The following PALLD variants were observed in gnomAD, a reference collection of about 807,000 sequenced individuals.
The protein encoded by PALLD is palladin.
In PALLD, 61 loss-of-function variants were observed where a neutral mutation model predicts 123.5. That is an observed-to-expected ratio of 0.49 (90% CI 0.40 to 0.61). The LOEUF is 0.61. PALLD is among the 20% of genes least tolerant of loss of function. The pLI is 0.00. For synonymous variants in PALLD, 465 were observed against 496.4 expected, an observed-to-expected ratio of 0.94 and a Z score of 0.84; for missense variants, 1,273 against 1,377.0, an observed-to-expected ratio of 0.92 and a Z score of 1.20.
At chr4:168,544,302 A>C (rs995367722) in intron 2 of PALLD, among the ~76,000 whole-genome samples, 3 of 152,272 alleles carry the variant, frequency 2.0e-5, no homozygotes, top group Non-Finnish European at 4.4e-5. Context: ...AAATATTTTC[A>C]GTACCTATTA....
At chr4:168,908,664 T>A (rs1758308629) in intron 15 of PALLD, among the ~76,000 whole-genome samples, 1 of 151,970 alleles carries the variant, frequency 6.6e-6, no homozygotes, top group Non-Finnish European at 1.5e-5. Flanking sequence ...AGTATTTGGG[T>A]TTGAAAGGGA....
At chr4:168,544,173 C>A (rs1484863563) in intron 2 of PALLD, among the ~76,000 whole-genome samples, 1 of 152,214 alleles carries the variant, frequency 6.6e-6, no homozygotes, top group Non-Finnish European at 1.5e-5. Context: ...TCTGTTTATA[C>A]TTTCTCTCAC....
chr4:168,771,852 A>G (rs542551099), intron 10 of PALLD, among the ~76,000 whole-genome samples: 4 of 152,208 alleles, frequency 2.6e-5, no homozygotes, highest in African/African-American at 9.6e-5. Flanking sequence ...GATTCTAGGG[A>G]GGGCAGCAGC....
At chr4:168,609,188 T>G (rs4389538) in intron 2 of PALLD, among the ~76,000 whole-genome samples, 62,569 of 151,530 alleles carry the variant, frequency 0.41, 14,141 homozygotes, top group East Asian at 0.8. Flanking sequence ...CAATTTGCAG[T>G]GGCTTACATT....
chr4:168,727,950 A>G (rs1786762363), intron 10 of PALLD, among the ~76,000 whole-genome samples: 1 of 152,184 alleles, frequency 6.6e-6, no homozygotes, highest in Non-Finnish European at 1.5e-5. Context: ...TCCCAGCACC[A>G]TTTATTGAAT....
At chr4:168,821,491 G>C (rs753835240) in intron 10 of PALLD, among the ~76,000 whole-genome samples, 1 of 151,708 alleles carries the variant, frequency 6.6e-6, no homozygotes, top group Non-Finnish European at 1.5e-5. Flanking sequence ...ATATATGTAT[G>C]TACAAATATA....
At chr4:168,787,550 C>T (rs1736921162) in intron 10 of PALLD, among the ~76,000 whole-genome samples, 1 of 152,170 alleles carries the variant, frequency 6.6e-6, no homozygotes, top group African/African-American at 2.4e-5. Flanking sequence ...TAACTGTAGC[C>T]ACACTTCAAT....
chr4:168,639,607 G>T (rs1235553864), intron 2 of PALLD, among the ~76,000 whole-genome samples: 2 of 149,444 alleles, frequency 1.3e-5, no homozygotes, highest in African/African-American at 5.0e-5. Context: ...GCAGTGGTGT[G>T]ATCTTGGCTC....
chr4:168,644,519 C>G (rs1008177130), intron 2 of PALLD, among the ~76,000 whole-genome samples: 6 of 152,176 alleles, frequency 3.9e-5, no homozygotes, highest in Non-Finnish European at 8.8e-5. Context: ...TGTCAAGTAA[C>G]CACCTGTTCC....
At chr4:168,638,992 C>T (rs935190400) in intron 2 of PALLD, among the ~76,000 whole-genome samples, 5 of 152,168 alleles carry the variant, frequency 3.3e-5, no homozygotes, top group African/African-American at 1.2e-4. Flanking sequence ...CATTCTCTTC[C>T]CCACCTTTCT....
At position 168,689,605 on chromosome 4, in the gene PALLD, G is replaced by A. The variant is rs182994599; in HGVS notation, c.1336-998G>A. On this transcript the variant is annotated intron_variant, in intron 6 of 21. Coordinates refer to ENST00000505667, the MANE Select transcript of PALLD (RefSeq NM_001166108.2). The stretch of plus-strand genomic sequence containing the variant: ...TGGGATTACAGGTGTCTGCCACCAC[G>A]ACCGGCTAATTTTTGTATTTTTAGT... Among the ~76,000 whole-genome samples the A allele has an allele frequency of 1.3e-3, 193 of 151,358 alleles. 1 individual carries two copies. In the East Asian group the frequency reaches 0.02, roughly 16 times the overall value.
intron 13 of PALLD, 21 bp from the exon 14 acceptor site, chr4:168,898,472 C>G (rs1311015479): frequency 1.9e-6 from 3 of 1,548,322 alleles, no homozygotes; most frequent in Admixed American, 1.7e-5. Flanking sequence ...AGTCTGCTAA[C>G]TTAAACTTTC....
At chr4:168,666,906 A>T (rs115841296) in intron 2 of PALLD, among the ~76,000 whole-genome samples, 3,693 of 152,288 alleles carry the variant, frequency 0.024, 65 homozygotes, top group Middle Eastern at 0.068. Context: ...AGACTTTATG[A>T]CAACAAAGAA....
intron 10 of PALLD, among the ~76,000 whole-genome samples, chr4:168,813,403 A>AG (rs1257568274): frequency 1.1e-4 from 16 of 152,318 alleles, no homozygotes; most frequent in African/African-American, 3.6e-4. Flanking sequence ...GGAGCAAGGC[A>AG]GTTACAGAAC....
intron 10 of PALLD, among the ~76,000 whole-genome samples, chr4:168,793,502 T>C (rs1737947590): frequency 6.6e-6 from 1 of 151,664 alleles, no homozygotes; most frequent in Non-Finnish European, 1.5e-5. Flanking sequence ...CCAAATCACA[T>C]TGCCTCAGAA....
At chr4:168,763,912 T>C (rs1039253927) in intron 10 of PALLD, among the ~76,000 whole-genome samples, 14 of 152,214 alleles carry the variant, frequency 9.2e-5, no homozygotes, top group African/African-American at 3.4e-4. Context: ...CACATGGTCT[T>C]GTATTAAATC....
intron 10 of PALLD, among the ~76,000 whole-genome samples, chr4:168,867,906 GAAAA>G (rs531178016): frequency 9.1e-6 from 1 of 110,204 alleles, no homozygotes; most frequent in South Asian, 2.8e-4. Flanking sequence ...TAAGTGAAGA[GAAAA>G]AAAAAAAAAG....
At chr4:168,853,651 C>T (rs1261888887) in intron 10 of PALLD, among the ~76,000 whole-genome samples, 1 of 151,980 alleles carries the variant, frequency 6.6e-6, no homozygotes, top group African/African-American at 2.4e-5. Flanking sequence ...AAGGGAAGGG[C>T]TGAGACTCTG....
rs1460693204 is a variant in PALLD at position 168,869,828 on chromosome 4, G to A, written c.1965-21094G>A. On this transcript the variant is annotated intron_variant, in intron 10 of 21. Coordinates refer to ENST00000505667, the MANE Select transcript of PALLD (RefSeq NM_001166108.2). The surrounding 1 kb of genome is among the most constrained non-coding windows in gnomAD (Gnocchi z 4.5). ...GGGTTAGAGAGATCAGGGAGTGAGAGTGATGCAGCTGACTGACTCCTTGTG... is the reference window on the plus strand; with the variant it reads ...GGGTTAGAGAGATCAGGGAGTGAGAATGATGCAGCTGACTGACTCCTTGTG... Among the ~76,000 whole-genome samples the A allele has an allele frequency of 1.3e-5, 2 of 152,190 alleles. No individual in the cohort carries two copies. Among genetic ancestry groups the A allele is most frequent in the African/African-American group, 2.4e-5 (1 of 41,456 alleles).
Sources: allele counts gnomAD v4.1 joint callset (sites outside exome capture counted in the v4.1 genomes callset), GRCh38; gene constraint gnomAD v4.1.1; non-coding constraint Gnocchi (gnomAD v3.1); transcripts MANE v1.5; gene names NCBI Gene and HGNC (gene_info 2026-07-23, HGNC 2026-07-21).